Variants in EPB41L4A observed in about 807,000 individuals in gnomAD.
EPB41L4A encodes band 4.1-like protein 4A.
In EPB41L4A, 100 loss-of-function variants were observed where a neutral mutation model predicts 108.6. That is an observed-to-expected ratio of 0.92 (90% CI 0.78 to 1.09). The LOEUF (loss-of-function observed/expected upper bound fraction) is 1.09, where lower values mean the gene tolerates loss of function less well. EPB41L4A is among the 50% of genes least tolerant of loss of function. EPB41L4A has a pLI of 0.00. For missense variants in EPB41L4A, 1,030 were observed against 842.7 expected, an observed-to-expected ratio of 1.22 and a Z score of -2.75; for synonymous variants, 319 against 289.0, an observed-to-expected ratio of 1.10 and a Z score of -1.05.
intron 1 of EPB41L4A, among the ~76,000 whole-genome samples, chr5:112,380,503 C>T (rs1580793721): frequency 6.6e-6 from 1 of 151,938 alleles, no homozygotes. Flanking sequence ...TTTTTCTCAT[C>T]CATAATGCTA....
chr5:112,156,608 A>T (rs1759656604), intron 12 of EPB41L4A, among the ~76,000 whole-genome samples: 1 of 152,234 alleles, frequency 6.6e-6, no homozygotes, highest in Non-Finnish European at 1.5e-5. Flanking sequence ...CTCTGGAAAC[A>T]TCCTCAAAGA....
intron 1 of EPB41L4A, among the ~76,000 whole-genome samples, chr5:112,367,158 G>A (rs1274189229): frequency 3.9e-5 from 6 of 152,044 alleles, no homozygotes; most frequent in South Asian, 2.1e-4. Context: ...TTCAACAGCC[G>A]GACCAATCTC....
At chr5:112,151,489 C>T (rs973027776) in intron 12 of EPB41L4A, among the ~76,000 whole-genome samples, 1 of 151,892 alleles carries the variant, frequency 6.6e-6, no homozygotes, top group East Asian at 1.9e-4. Flanking sequence ...TTCACTGCAG[C>T]CTCAACCTCC....
chr5:112,224,487 AT>A (rs1315700090), intron 12 of EPB41L4A, among the ~76,000 whole-genome samples: 1 of 152,196 alleles, frequency 6.6e-6, no homozygotes, highest in Admixed American at 6.5e-5. Flanking sequence ...GAATAAAGGA[AT>A]TTTAGAAAGA....
chr5:112,389,626 A>G (rs1760793710), intron 1 of EPB41L4A, among the ~76,000 whole-genome samples: 1 of 152,172 alleles, frequency 6.6e-6, no homozygotes, highest in Non-Finnish European at 1.5e-5. Context: ...TGAAATGATC[A>G]ACATTTTTGT....
At chr5:112,201,992 T>A (rs1366558491) in intron 15 of EPB41L4A, among the ~76,000 whole-genome samples, 8 of 152,196 alleles carry the variant, frequency 5.3e-5, no homozygotes, top group Admixed American at 5.2e-4. Context: ...GACTCATCTA[T>A]AATCTACTCT....
chr5:112,392,236 A>C (rs1292353004), intron 1 of EPB41L4A, among the ~76,000 whole-genome samples: 1 of 152,036 alleles, frequency 6.6e-6, no homozygotes, highest in Non-Finnish European at 1.5e-5. Flanking sequence ...ATTAACCTTA[A>C]ATGTAAATGA....
chr5:112,400,730 T>C (rs1320138122), intron 1 of EPB41L4A, among the ~76,000 whole-genome samples: 1 of 152,154 alleles, frequency 6.6e-6, no homozygotes, highest in African/African-American at 2.4e-5. Flanking sequence ...AGGACAAACA[T>C]CCAAACTCTA....
intron 9 of EPB41L4A, among the ~76,000 whole-genome samples, chr5:112,258,447 G>A (rs1751259783): frequency 6.6e-6 from 1 of 152,178 alleles, no homozygotes; most frequent in Non-Finnish European, 1.5e-5. Flanking sequence ...CAAAAAGACA[G>A]AAGAGTAGAT....
intron 12 of EPB41L4A, among the ~76,000 whole-genome samples, chr5:112,213,378 T>C (rs1228425872): frequency 6.6e-6 from 1 of 151,944 alleles, no homozygotes; most frequent in Non-Finnish European, 1.5e-5. Context: ...AGATAGACTC[T>C]TGCTCTGTCA....
At chr5:112,231,250 T>C (rs1748897599) in intron 12 of EPB41L4A, among the ~76,000 whole-genome samples, 1 of 152,186 alleles carries the variant, frequency 6.6e-6, no homozygotes, top group African/African-American at 2.4e-5. Flanking sequence ...CATTTAAACA[T>C]ATCCATGAGG....
chr5:112,194,882 G>A (rs1274504082), intron 16 of EPB41L4A, among the ~76,000 whole-genome samples: 1 of 152,178 alleles, frequency 6.6e-6, no homozygotes, highest in Non-Finnish European at 1.5e-5. Flanking sequence ...CGATTAAGGT[G>A]AATGTCAGTA....
At chr5:112,291,632 G>A (rs1168434632) in intron 2 of EPB41L4A, among the ~76,000 whole-genome samples, 3 of 152,168 alleles carry the variant, frequency 2.0e-5, no homozygotes, top group Admixed American at 2.0e-4. Flanking sequence ...AGATCATGGG[G>A]GAATGAGGAA....
At chr5:112,209,351 T>C (rs1109590) in intron 13 of EPB41L4A, among the ~76,000 whole-genome samples, 30,281 of 152,190 alleles carry the variant, frequency 0.2, 3,224 homozygotes, top group African/African-American at 0.28. Context: ...AAACAATCCA[T>C]GTAATATATT....
chr5:112,169,702 C>A (rs968160195), intron 20 of EPB41L4A, among the ~76,000 whole-genome samples: 2 of 152,188 alleles, frequency 1.3e-5, no homozygotes, highest in African/African-American at 4.8e-5. Context: ...TAATTCAAAT[C>A]TTTGACCTAA....
chr5:112,385,157 G>C (rs886262815), intron 1 of EPB41L4A, among the ~76,000 whole-genome samples: 1 of 152,260 alleles, frequency 6.6e-6, no homozygotes, highest in East Asian at 1.9e-4. Context: ...ATGTGACCCC[G>C]ATCCTGACCA....
chr5:112,258,281 T>C (rs377573192), intron 9 of EPB41L4A, among the ~76,000 whole-genome samples: 4 of 152,328 alleles, frequency 2.6e-5, no homozygotes, highest in Non-Finnish European at 5.9e-5. Flanking sequence ...ACCTACTACA[T>C]GTGAGGCACT....
chr5:112,238,151 T>C (rs954128758), intron 11 of EPB41L4A, among the ~76,000 whole-genome samples: 1 of 152,156 alleles, frequency 6.6e-6, no homozygotes, highest in Admixed American at 6.5e-5. Flanking sequence ...TACCAGCTCC[T>C]TTTCAGGGAC....
At chr5:112,308,088 C>T (rs1377684696) in intron 1 of EPB41L4A, among the ~76,000 whole-genome samples, 2 of 152,150 alleles carry the variant, frequency 1.3e-5, no homozygotes, top group Non-Finnish European at 2.9e-5. Flanking sequence ...TTTTTAAACA[C>T]TGATAACTAC....
Sources: allele counts gnomAD v4.1 joint callset (sites outside exome capture counted in the v4.1 genomes callset), GRCh38; gene constraint gnomAD v4.1.1; transcripts MANE v1.5; gene names NCBI Gene and HGNC (gene_info 2026-07-23, HGNC 2026-07-21).